NOSTRIN: variants seen among roughly 807,000 people sequenced by gnomAD.
NOSTRIN encodes nitric oxide synthase trafficking.
NOSTRIN carries 63 observed loss-of-function variants against 59.0 expected under a neutral mutation model. The observed-to-expected ratio is 1.07, with a 90% CI of 0.87 to 1.32. NOSTRIN has a LOEUF of 1.32. Among genes scored for constraint, NOSTRIN ranks in the 40% most tolerant of loss-of-function variants. The pLI is 0.00. For missense variants in NOSTRIN, 512 were observed against 473.1 expected (o/e 1.08, Z -0.76); for synonymous variants, 200 against 165.4 (o/e 1.21, Z -1.61).
chr2:168,818,822 T>A (rs1392906207), intron 2 of NOSTRIN, among the ~76,000 whole-genome samples: 1 of 138,174 alleles, frequency 7.2e-6, no homozygotes, highest in African/African-American at 2.6e-5. Flanking sequence ...GTCCAGAACC[T>A]TTTTTAGCAT....
In NOSTRIN at chr2:168,860,853, A is replaced by C. The variant is rs1689400834; in HGVS notation, c.1238A>C (p.Asn413Thr). 2 of 1,613,924 alleles carry C rather than the reference A, an allele frequency of 1.2e-6. No homozygotes were observed. The highest frequency in any genetic ancestry group is 1.7e-6 in the Non-Finnish European group (2 of 1,179,942). ...SRPFLMKRLE[N>T]IVSKASSGGQ... ...CCTTTTTTAATGAAGAGATTAGAGAATATTGTGAGCAAGGCATCTTCTGGT... is the reference window on the plus strand; with the variant it reads ...CCTTTTTTAATGAAGAGATTAGAGACTATTGTGAGCAAGGCATCTTCTGGT... The change falls in exon 14 of 16, where the codon AAT becomes ACT. Residue 413 changes from asparagine to threonine, a missense_variant. Coordinates refer to ENST00000317647, the MANE Select transcript of NOSTRIN (RefSeq NM_001039724.4).
intron 13 of NOSTRIN, 123 bp from the exon 14 acceptor site, chr2:168,860,669 TAAA>T: frequency 3.6e-6 from 2 of 553,234 alleles, no homozygotes; most frequent in Non-Finnish European, 3.1e-6. Flanking sequence ...AGACTCTGTC[TAAA>T]AAAAAAAAAG....
At chr2:168,856,924 C>T (rs1368946248) in intron 12 of NOSTRIN, 146 bp downstream of exon 12, 3 of 685,038 alleles carry the variant, frequency 4.4e-6, no homozygotes, top group South Asian at 1.9e-5. Flanking sequence ...GGGTCAGCTT[C>T]ATAAGTCATT....
intron 2 of NOSTRIN, among the ~76,000 whole-genome samples, chr2:168,814,396 G>C (rs1258500090): frequency 6.6e-6 from 1 of 152,152 alleles, no homozygotes; most frequent in Non-Finnish European, 1.5e-5. Flanking sequence ...ATATACATTG[G>C]ATAGAAGGCA....
At chr2:168,834,185 C>A (rs1345215411) in intron 6 of NOSTRIN, 42 bp from the exon 7 acceptor site, 8 of 852,356 alleles carry the variant, frequency 9.4e-6, no homozygotes, top group Non-Finnish European at 1.6e-5. Context: ...TTGGCATCAG[C>A]CTCTGCTCCT....
intron 2 of NOSTRIN, among the ~76,000 whole-genome samples, chr2:168,815,802 G>T (rs1686366334): frequency 6.6e-6 from 1 of 152,064 alleles, no homozygotes. Context: ...ATCTCCACCT[G>T]GAAGTCCCAT....
At chr2:168,790,856 A>G (rs928082437) in intron 2 of NOSTRIN, among the ~76,000 whole-genome samples, 2 of 152,224 alleles carry the variant, frequency 1.3e-5, no homozygotes, top group South Asian at 4.1e-4. Context: ...GGAAATGCAC[A>G]CTAAAATATT....
At chr2:168,837,320 T>G (rs1687789028) in intron 7 of NOSTRIN, among the ~76,000 whole-genome samples, 1 of 135,130 alleles carries the variant, frequency 7.4e-6, no homozygotes, top group Admixed American at 7.3e-5. Context: ...TTTTTTTTTT[T>G]TTTTTTTGAG....
At chr2:168,863,596 T>C in intron 15 of NOSTRIN, 4 of 985,248 alleles carry the variant, frequency 4.1e-6, no homozygotes, top group Non-Finnish European at 3.6e-6. Flanking sequence ...CAAATTGATG[T>C]TGTATTAAAG....
intron 1 of NOSTRIN, among the ~76,000 whole-genome samples, chr2:168,806,356 A>C (rs1685851076): frequency 6.6e-6 from 1 of 152,076 alleles, no homozygotes; most frequent in East Asian, 1.9e-4. Context: ...TTAATCATTC[A>C]AGCAGAAAGA....
chr2:168,830,176 A>G (rs1320858449), intron 5 of NOSTRIN, among the ~76,000 whole-genome samples: 1 of 152,208 alleles, frequency 6.6e-6, no homozygotes, highest in African/African-American at 2.4e-5. Flanking sequence ...TTCACACTGC[A>G]TAATAATATG....
chr2:168,852,264 G>C (rs1015780143), intron 10 of NOSTRIN, among the ~76,000 whole-genome samples: 5 of 152,228 alleles, frequency 3.3e-5, no homozygotes, highest in African/African-American at 1.2e-4. Flanking sequence ...CCCTTCTCTT[G>C]AAAACCTTGG....
chr2:168,816,079 T>C (rs904273400), intron 2 of NOSTRIN, among the ~76,000 whole-genome samples: 2 of 152,244 alleles, frequency 1.3e-5, no homozygotes, highest in African/African-American at 4.8e-5. Context: ...TGCTGCCTTA[T>C]AGCCGTGGAG....
intron 13 of NOSTRIN, 82 bp downstream of exon 13, chr2:168,859,719 G>T: frequency 6.6e-7 from 1 of 1,513,096 alleles, no homozygotes; most frequent in East Asian, 2.3e-5. Context: ...GGGCAAAAAA[G>T]GTGTTAGGAA....
intron 7 of NOSTRIN, among the ~76,000 whole-genome samples, chr2:168,839,927 G>A (rs201648614): frequency 1.2e-3 from 122 of 99,106 alleles, no homozygotes; most frequent in East Asian, 0.01. Flanking sequence ...ATATATGTGT[G>A]TGTGTGTGTG....
At chr2:168,826,118 A>G (rs1423782798) in intron 3 of NOSTRIN, among the ~76,000 whole-genome samples, 1 of 152,218 alleles carries the variant, frequency 6.6e-6, no homozygotes, top group Non-Finnish European at 1.5e-5. Flanking sequence ...GTGAGAATTA[A>G]ATACGGTAAT....
chr2:168,818,857 A>G (rs759864780), intron 2 of NOSTRIN, among the ~76,000 whole-genome samples: 4 of 152,056 alleles, frequency 2.6e-5, no homozygotes, highest in Admixed American at 6.6e-5. Flanking sequence ...TTAATTTTTA[A>G]TTTTTGTGGG....
At position 168,865,126 on chromosome 2, in the gene NOSTRIN, T is replaced by C. The variant is rs1689784098; in HGVS notation, c.*156T>C. The C allele has an allele frequency of 1.3e-6, 1 of 784,894 alleles. No individual in the cohort carries two copies. The highest frequency in any genetic ancestry group is 1.7e-5 in the African/African-American group (1 of 57,340). 48.6% of individuals were successfully genotyped at this position (784,894 alleles called of 1,614,324 possible). On this transcript the variant is annotated 3_prime_UTR_variant, in exon 16 of 16. Coordinates refer to ENST00000317647, the MANE Select transcript of NOSTRIN (RefSeq NM_001039724.4). The stretch of plus-strand genomic sequence containing the variant: ...GCACTTTGCATTCATGATTATTAGC[T>C]TGAAACAGTCAGAAAAAAGATGGAT...
At chr2:168,824,761 A>ATTTTTTT (rs1225107809) in intron 3 of NOSTRIN, 44 bp downstream of exon 3, 7 of 478,502 alleles carry the variant, frequency 1.5e-5, no homozygotes, top group African/African-American at 2.8e-5. Flanking sequence ...CCCTTTTTTT[A>ATTTTTTT]TTTGTTTTTT....
Sources: allele counts gnomAD v4.1 joint callset (sites outside exome capture counted in the v4.1 genomes callset), GRCh38; gene constraint gnomAD v4.1.1; transcripts MANE v1.5; gene names NCBI Gene and HGNC (gene_info 2026-07-23, HGNC 2026-07-21).